The following TRIM66 variants were observed in gnomAD, a reference collection of about 807,000 sequenced individuals.
TRIM66 encodes tripartite motif-containing protein 66.
A neutral mutation model predicts 148.2 loss-of-function variants in TRIM66; 99 were observed. The observed-to-expected ratio is 0.67, with a 90% CI of 0.57 to 0.79. The LOEUF is 0.79. Ranked by LOEUF, TRIM66 falls within the 30% of genes least tolerant of loss-of-function variation. The probability of loss-of-function intolerance (pLI) is 0.00; values close to 1 mark genes in which losing one functional copy is unlikely to be tolerated. For synonymous variants in TRIM66, 616 were observed against 635.9 expected, an observed-to-expected ratio of 0.97 and a Z score of 0.47; for missense variants, 1,666 against 1,697.9, an observed-to-expected ratio of 0.98 and a Z score of 0.33.
chr11:8,675,558 T>C (rs2039138266), intron 3 of TRIM66, among the ~76,000 whole-genome samples: 1 of 151,424 alleles, frequency 6.6e-6, no homozygotes. Flanking sequence ...AATTTTGTAT[T>C]TTTAGTAGAG....
chr11:8,669,240 C>A (rs1261050835), intron 6 of TRIM66, among the ~76,000 whole-genome samples: 6 of 152,192 alleles, frequency 3.9e-5, no homozygotes, highest in Non-Finnish European at 8.8e-5. Flanking sequence ...GTGCTATTTA[C>A]CATTACTGAA....
chr11:8,651,684 C>T, intron 7 of TRIM66, 116 bp downstream of exon 7: 1 of 869,422 alleles, frequency 1.2e-6, no homozygotes, highest in South Asian at 1.4e-5. Context: ...ATTAGGAAAA[C>T]TGATGGAGAA....
chr11:8,624,811 G>T lies in TRIM66; in HGVS notation c.2728C>A (p.Gln910Lys), dbSNP rs11042015. 6.5e-3 allele frequency: 10,156 copies of T among 1,551,634 alleles called. 488 individuals carry two copies. In the African/African-American group the frequency reaches 0.11, roughly 17 times the overall value. The change falls in exon 16 of 25, where the codon CAG (glutamine) becomes AAG (lysine). Residue 910 changes from glutamine to lysine, a missense_variant. Transcript: ENST00000646038. ...CTGGAGCTGGACCCAGTTTCTGGCT[G>T]CATGTCAGAAACTGGAGGGATGCTC... Reference protein sequence around the residue: ...LQSIPPVSDMQPETGSSSSSG... With the variant: ...LQSIPPVSDMKPETGSSSSSG...
chr11:8,659,984 C>G (rs1392978558), intron 6 of TRIM66, among the ~76,000 whole-genome samples: 1 of 152,084 alleles, frequency 6.6e-6, no homozygotes, highest in Non-Finnish European at 1.5e-5. Context: ...CTCAAGTGAT[C>G]CTCCTGCCTC....
At chr11:8,618,655 C>T (rs2033903600) in intron 24 of TRIM66, 95 bp downstream of exon 24, 2 of 1,195,968 alleles carry the variant, frequency 1.7e-6, no homozygotes, top group Non-Finnish European at 2.3e-6. Context: ...CATCTTTTTG[C>T]ACCACCCGAA....
rs557186475 is a variant in TRIM66 at position 8,680,457 on chromosome 11, A to G, written c.-547-394T>C. 4.8e-3 allele frequency among the ~76,000 whole-genome samples: 726 copies of G among 152,084 alleles called. 9 individuals are homozygous for G. Among genetic ancestry groups the G allele is most frequent in the African/African-American group, 0.017 (694 of 41,452 alleles). ...ATATGATGGGGGCCTGAATGAAGGCAGGGCACTAAGGCTTAAACAGAGGAA... is the reference window on the plus strand; with the variant it reads ...ATATGATGGGGGCCTGAATGAAGGCGGGGCACTAAGGCTTAAACAGAGGAA... On this transcript the variant is annotated intron_variant, in intron 1 of 24. Transcript: ENST00000646038.
chr11:8,658,185 ACTC>A (rs2037997521), intron 6 of TRIM66, among the ~76,000 whole-genome samples: 1 of 150,772 alleles, frequency 6.6e-6, no homozygotes, highest in Non-Finnish European at 1.5e-5. Context: ...AGCTTGGTTG[ACTC>A]CTCCTGTTTC....
chr11:8,621,518 G>A (rs1565474495), intron 19 of TRIM66, 127 bp downstream of exon 19: 10 of 1,338,390 alleles, frequency 7.5e-6, no homozygotes, highest in South Asian at 6.1e-5. Flanking sequence ...AGGGGACAAC[G>A]TCTGGCCAAG....
intron 15 of TRIM66, among the ~76,000 whole-genome samples, chr11:8,626,646 ACAG>A (rs2034873132): frequency 6.6e-6 from 1 of 152,198 alleles, no homozygotes; most frequent in Non-Finnish European, 1.5e-5. Flanking sequence ...TCCCTAGACA[ACAG>A]TAGTAGCCTC....
At chr11:8,624,631 G>C in intron 16 of TRIM66, 80 bp from the exon 17 acceptor site, 2 of 1,478,030 alleles carry the variant, frequency 1.4e-6, no homozygotes, top group Non-Finnish European at 1.8e-6. Context: ...GTTAAGCTAA[G>C]GTCAGAATAA....
chr11:8,672,073 C>T lies in TRIM66; in HGVS notation c.53G>A (p.Arg18His), dbSNP rs981281486. Residue 18 changes from arginine to histidine, a missense_variant, in exon 6 of 25, where the codon CGC becomes CAC. Transcript: ENST00000646038. ...ACTGATATCCTCAGGTGAGAAGCAG[C>T]GTGTAGAGCGAGCCAGCTCCACTCC... ...SQGVELARSTRCFSPEDISGK... is the reference protein window; with the variant it reads ...SQGVELARSTHCFSPEDISGK... The T allele has an allele frequency of 7.8e-6, 12 of 1,534,240 alleles. No homozygotes were observed. The highest frequency in any genetic ancestry group is 3.9e-5 in the Admixed American group (2 of 50,926).
In TRIM66 at chr11:8,635,008, G is replaced by A. The variant is rs546359728; in HGVS notation, c.2310+3646C>T. ...AGATAAAACAACCAATACCAAACTAGGCTGGGTCCTAAGACCTCTCCCCAG... is the reference window on the plus strand; with the variant it reads ...AGATAAAACAACCAATACCAAACTAAGCTGGGTCCTAAGACCTCTCCCCAG... On this transcript the variant is annotated intron_variant, in intron 15 of 24. Coordinates refer to ENST00000646038, the MANE Select transcript of TRIM66 (RefSeq NM_001388022.1). Among the ~76,000 whole-genome samples the A allele has an allele frequency of 2.2e-4, 33 of 152,286 alleles. 1 individual carries two copies. Among genetic ancestry groups the A allele is most frequent in the Middle Eastern group, 6.8e-3 (2 of 294 alleles).
intron 1 of TRIM66, among the ~76,000 whole-genome samples, chr11:8,681,193 G>A (rs890044196): frequency 6.6e-6 from 1 of 151,640 alleles, no homozygotes; most frequent in Non-Finnish European, 1.5e-5. Context: ...CAGTGCAGTG[G>A]CGCGATCTCG....
intron 6 of TRIM66, among the ~76,000 whole-genome samples, chr11:8,654,049 G>T (rs997352700): frequency 6.6e-6 from 1 of 152,124 alleles, no homozygotes. Flanking sequence ...TGTTGAAAAC[G>T]ACTTCCACAA....
chr11:8,640,134 T>C (rs2036234973), intron 14 of TRIM66, 93 bp downstream of exon 14: 3 of 1,269,938 alleles, frequency 2.4e-6, no homozygotes, highest in Non-Finnish European at 2.2e-6. Flanking sequence ...GCAGAAACTG[T>C]ATTCCTGTGC....
At chr11:8,653,384 C>T (rs1352213778) in intron 6 of TRIM66, among the ~76,000 whole-genome samples, 1 of 152,216 alleles carries the variant, frequency 6.6e-6, no homozygotes, top group Non-Finnish European at 1.5e-5. Context: ...TTATATAATT[C>T]TGCTCTTGTT....
At position 8,613,740 on chromosome 11, in the gene TRIM66, G is replaced by C. The variant is rs2033546047; in HGVS notation, c.*4204C>G. 1 of 152,262 alleles carries C rather than the reference G, an allele frequency of 6.6e-6. No homozygotes were observed. Among genetic ancestry groups the C allele is most frequent in the Admixed American group, 6.5e-5 (1 of 15,272 alleles). The allele number at this position is 152,262 out of a possible 1,614,324, so 9.4% of individuals were successfully genotyped here. On this transcript the variant is annotated 3_prime_UTR_variant, in exon 25 of 25. Transcript: ENST00000646038. ...ATTAAATAGGAGCAAGAATGGAGGGGTTGGGGAGAGTTACAGACACAGATG... is the reference window on the plus strand; with the variant it reads ...ATTAAATAGGAGCAAGAATGGAGGGCTTGGGGAGAGTTACAGACACAGATG...
At chr11:8,654,230 T>G (rs146391889) in intron 6 of TRIM66, among the ~76,000 whole-genome samples, 3 of 152,232 alleles carry the variant, frequency 2.0e-5, no homozygotes, top group African/African-American at 7.2e-5. Context: ...CCCTTGTAAA[T>G]TGACCTTATC....
At chr11:8,649,678 G>T (rs1425967976) in intron 8 of TRIM66, 62 bp downstream of exon 8, 3 of 1,525,218 alleles carry the variant, frequency 2.0e-6, no homozygotes, top group Non-Finnish European at 1.8e-6. Context: ...ATTCTCCAGG[G>T]ATCTTAGGGT....
Sources: allele counts gnomAD v4.1 joint callset (sites outside exome capture counted in the v4.1 genomes callset), GRCh38; gene constraint gnomAD v4.1.1; transcripts MANE v1.5; gene names NCBI Gene and HGNC (gene_info 2026-07-23, HGNC 2026-07-21).